The following LPP variants were observed in gnomAD, a reference collection of about 807,000 sequenced individuals.
LPP encodes the protein LIM domain containing preferred translocation partner in lipoma.
Under a neutral mutation model 60.4 loss-of-function variants are expected in LPP, and 38 were observed. The ratio of observed to expected loss-of-function variants is 0.63; its 90% CI spans 0.49 to 0.83. The LOEUF is 0.83. Among genes scored for constraint, LPP ranks in the 40% least tolerant of loss-of-function variants. The pLI, the probability that LPP is intolerant of heterozygous loss-of-function variation, is 0.00. For synonymous variants in LPP, 328 were observed against 290.8 expected (o/e 1.13, Z -1.30); for missense variants, 902 against 783.6 (o/e 1.15, Z -1.80).
At chr3:188,807,348 G>A (rs544404017) in intron 9 of LPP, among the ~76,000 whole-genome samples, 2 of 151,936 alleles carry the variant, frequency 1.3e-5, no homozygotes, top group African/African-American at 4.8e-5. Context: ...TTTAGTGTTT[G>A]TATATATCCT....
chr3:188,509,723 C>T (rs1236962297), intron 5 of LPP, among the ~76,000 whole-genome samples: 3 of 135,288 alleles, frequency 2.2e-5, no homozygotes, highest in Non-Finnish European at 4.7e-5. Context: ...TTTTGAGTCT[C>T]ACTCTGTCGC....
chr3:188,623,309 G>T (rs891680820), intron 7 of LPP, among the ~76,000 whole-genome samples: 1 of 150,762 alleles, frequency 6.6e-6, no homozygotes, highest in Non-Finnish European at 1.5e-5. Flanking sequence ...CCAGGCTAGG[G>T]TGCAGTGGCA....
At chr3:188,267,066 G>T (rs997760152) in intron 2 of LPP, among the ~76,000 whole-genome samples, 1 of 152,186 alleles carries the variant, frequency 6.6e-6, no homozygotes, top group Non-Finnish European at 1.5e-5. Flanking sequence ...CCTCCAAGCA[G>T]GAAGATCTTT....
chr3:188,351,735 C>T (rs1765898422), intron 3 of LPP, among the ~76,000 whole-genome samples: 1 of 152,084 alleles, frequency 6.6e-6, no homozygotes, highest in South Asian at 2.1e-4. Context: ...TAGATGCTTC[C>T]CTCCTAGAAC....
In LPP at chr3:188,619,831, A is replaced by G. The variant is rs148770665; in HGVS notation, c.1113+9987A>G. Among the ~76,000 whole-genome samples the G allele has an allele frequency of 7.4e-3, 1,127 of 152,340 alleles. 12 individuals are homozygous for G. The highest frequency in any genetic ancestry group is 0.025 in the African/African-American group (1,057 of 41,582). Reference sequence around the variant, plus strand: ...TGAATCTTAAATTAGAAGTTGTGACAGTAAGTGGAAATTTTCAGGGAAGGA... The same window carrying G: ...TGAATCTTAAATTAGAAGTTGTGACGGTAAGTGGAAATTTTCAGGGAAGGA... On this transcript the variant is annotated intron_variant, in intron 7 of 11. Coordinates refer to ENST00000617246, the MANE Select transcript of LPP (RefSeq NM_001375462.1).
At chr3:188,318,442 C>T (rs1755790224) in intron 2 of LPP, among the ~76,000 whole-genome samples, 1 of 149,912 alleles carries the variant, frequency 6.7e-6, no homozygotes, top group South Asian at 2.1e-4. Context: ...AAAAACAAAA[C>T]TCATGAATAT....
chr3:188,381,456 C>T (rs1776860870), intron 3 of LPP, among the ~76,000 whole-genome samples: 1 of 152,096 alleles, frequency 6.6e-6, no homozygotes, highest in Admixed American at 6.6e-5. Context: ...CTAAAATGGA[C>T]TGTCCAGCTC....
chr3:188,814,131 A>G lies in LPP; in HGVS notation c.1411-52069A>G, dbSNP rs546766660. On this transcript the variant is annotated intron_variant, in intron 9 of 11. Coordinates refer to ENST00000617246, the MANE Select transcript of LPP (RefSeq NM_001375462.1). ...CACACACATACAGACACACACACAC[A>G]CGTCTATTTAGCATCTGTCCCAGGC... 2.6e-5 allele frequency among the ~76,000 whole-genome samples: 4 copies of G among 152,126 alleles called. No homozygotes were observed. The South Asian group carries it at 8.3e-4, about 32-fold the overall frequency.
intron 2 of LPP, among the ~76,000 whole-genome samples, chr3:188,278,626 A>C (rs1740845389): frequency 6.6e-6 from 1 of 151,434 alleles, no homozygotes; most frequent in Admixed American, 6.6e-5. Context: ...ACGTGCACAG[A>C]GCTGCTTGTT....
chr3:188,774,227 C>A (rs564999981), intron 9 of LPP, among the ~76,000 whole-genome samples: 46 of 152,124 alleles, frequency 3.0e-4, no homozygotes, highest in African/African-American at 1.1e-3. Context: ...CTCTGGTCTG[C>A]CCAGTTTGGT....
At chr3:188,715,122 G>A (rs1713296733) in intron 8 of LPP, among the ~76,000 whole-genome samples, 1 of 152,124 alleles carries the variant, frequency 6.6e-6, no homozygotes, top group African/African-American at 2.4e-5. Flanking sequence ...GCTCATGCCT[G>A]TAATCCCAGC....
rs542213743 is a variant in LPP at position 188,154,187 on chromosome 3, AGCC to A, written c.-230_-228del. The A allele has an allele frequency of 1.9e-3, 408 of 210,674 alleles. No homozygotes were observed. The highest frequency in any genetic ancestry group is 7.7e-3 in the South Asian group (114 of 14,874). The allele number at this position is 210,674 out of a possible 1,614,324, so 13.1% of individuals were successfully genotyped here. ...CTCCTCTGCCTCTGCCTCCGCCTCC[AGCC>A]GCCGCCGCCGCCGCCGCCGCCGCCA... On this transcript the variant is annotated 5_prime_UTR_variant, in exon 1 of 12. Coordinates refer to ENST00000617246, the MANE Select transcript of LPP (RefSeq NM_001375462.1).
At chr3:188,746,732 G>T (rs1295142694) in intron 8 of LPP, 2 of 295,730 alleles carry the variant, frequency 6.8e-6, no homozygotes, top group Non-Finnish European at 1.4e-5. Flanking sequence ...TAGTTATTAG[G>T]GATTTGGATA....
Position 188,609,887 on chromosome 3 carries a change from T to C in LPP, c.1113+43T>C, listed in dbSNP as rs1843322081. The C allele has an allele frequency of 1.3e-6, 2 of 1,539,618 alleles. No individual in the cohort carries two copies. Among genetic ancestry groups the C allele is most frequent in the Non-Finnish European group, 1.7e-6 (2 of 1,143,864 alleles). On this transcript the variant is annotated intron_variant, in intron 7 of 11. Coordinates refer to ENST00000617246, the MANE Select transcript of LPP (RefSeq NM_001375462.1). The surrounding 1 kb of genome is among the most constrained non-coding windows in gnomAD (Gnocchi z 6.9). The stretch of plus-strand genomic sequence containing the variant: ...ATAAGGAGGAGAATACAGGGGTGCC[T>C]ATCTTAGTCTGCCTTCCCCAGGAAG...
Position 188,371,629 on chromosome 3 carries a change from ATATATATATATATTTTTTTTTTTT to A in LPP, c.-10+29912_-10+29935del, listed in dbSNP as rs1177898325. 5.0e-4 allele frequency among the ~76,000 whole-genome samples: 13 copies of A among 25,976 alleles called. 1 individual carries two copies. Among genetic ancestry groups the A allele is most frequent in the Non-Finnish European group, 1.1e-3 (11 of 10,238 alleles). 17.0% of individuals were successfully genotyped at this position (25,976 alleles called of 152,430 possible). On this transcript the variant is annotated intron_variant, in intron 3 of 11. Transcript: ENST00000617246. ...GAGTGGTGGGAAAATATATATATAT[ATATATATATATATTTTTTTTTTTT>A]TTTTTTTTTTTTTTTTTTGAGATGG...
chr3:188,488,979 T>C (rs1807495111), intron 5 of LPP, among the ~76,000 whole-genome samples: 1 of 152,148 alleles, frequency 6.6e-6, no homozygotes, highest in Non-Finnish European at 1.5e-5. Flanking sequence ...GGTAATTTCT[T>C]CCTCTTTTCA....
chr3:188,754,002 G>A (rs1577354365), intron 8 of LPP, among the ~76,000 whole-genome samples: 1 of 152,296 alleles, frequency 6.6e-6, no homozygotes, highest in Admixed American at 6.5e-5. Flanking sequence ...AATAACCATA[G>A]GAGATTGCAT....
At position 188,566,879 on chromosome 3, in the gene LPP, G is replaced by C. The variant is rs185761962; in HGVS notation, c.429+42092G>C. Among the ~76,000 whole-genome samples, 214 of 151,834 alleles carry C rather than the reference G, an allele frequency of 1.4e-3. 1 individual carries two copies. The highest frequency in any genetic ancestry group is 7.9e-3 in the South Asian group (38 of 4,808). ...CACTATCATTTCCAGAATAGTTACAGTATCTTTATGCATACAGAAAACAGA... is the reference window on the plus strand; with the variant it reads ...CACTATCATTTCCAGAATAGTTACACTATCTTTATGCATACAGAAAACAGA... On this transcript the variant is annotated intron_variant, in intron 6 of 11. Coordinates refer to ENST00000617246, the MANE Select transcript of LPP (RefSeq NM_001375462.1).
intron 7 of LPP, among the ~76,000 whole-genome samples, chr3:188,613,314 A>ATCTATATCTATACC (rs1379478231): frequency 6.9e-6 from 1 of 144,392 alleles, no homozygotes; most frequent in Admixed American, 7.0e-5. Context: ...CTATATCTAT[A>ATCTATATCTATACC]TATATCGCTG....
Sources: allele counts gnomAD v4.1 joint callset (sites outside exome capture counted in the v4.1 genomes callset), GRCh38; gene constraint gnomAD v4.1.1; non-coding constraint Gnocchi (gnomAD v3.1); transcripts MANE v1.5; gene names NCBI Gene and HGNC (gene_info 2026-07-23, HGNC 2026-07-21).